Variants in GRIK2 observed in about 807,000 individuals in gnomAD.
The protein encoded by GRIK2 is glutamate ionotropic receptor kainate type subunit 2.
In GRIK2, 32 loss-of-function variants were observed where a neutral mutation model predicts 100.3. That is an observed-to-expected ratio of 0.32 (90% CI 0.24 to 0.43). The LOEUF is 0.43. Ranked by LOEUF, GRIK2 falls within the 20% of genes least tolerant of loss-of-function variation. GRIK2 has a pLI of 1.00. For missense variants in GRIK2, 843 were observed against 1,114.9 expected (o/e 0.76, Z 3.47); for synonymous variants, 417 against 389.4 (o/e 1.07, Z -0.83).
chr6:101,879,534 C>G (rs1786098326), intron 11 of GRIK2, among the ~76,000 whole-genome samples: 2 of 151,952 alleles, frequency 1.3e-5, no homozygotes, highest in African/African-American at 4.8e-5. Flanking sequence ...CTCTATGCTT[C>G]TTGGGTTCTT....
intron 15 of GRIK2, among the ~76,000 whole-genome samples, chr6:102,045,911 C>T (rs1770862920): frequency 1.3e-5 from 2 of 152,030 alleles, no homozygotes; most frequent in African/African-American, 4.8e-5. Context: ...CATACAGTGG[C>T]TGCATGTATT....
intron 12 of GRIK2, among the ~76,000 whole-genome samples, chr6:101,902,686 C>T (rs1026006700): frequency 6.6e-6 from 1 of 151,778 alleles, no homozygotes; most frequent in African/African-American, 2.4e-5. Flanking sequence ...AAAAATTTAA[C>T]TATTTACATG....
chr6:101,676,317 T>C (rs1376755094), intron 4 of GRIK2, among the ~76,000 whole-genome samples: 1 of 152,148 alleles, frequency 6.6e-6, no homozygotes, highest in Non-Finnish European at 1.5e-5. Context: ...TTTTATAACT[T>C]GAAAAATGTC....
intron 4 of GRIK2, among the ~76,000 whole-genome samples, chr6:101,633,476 G>A (rs1780863846): frequency 6.6e-6 from 1 of 152,084 alleles, no homozygotes; most frequent in South Asian, 2.1e-4. Flanking sequence ...CAGGATTGTT[G>A]TTGTGTAAAG....
Position 101,572,882 on chromosome 6 carries a change from A to G in GRIK2, c.116-49067A>G, listed in dbSNP as rs1047796383. Among the ~76,000 whole-genome samples, 2 of 149,326 alleles carry G rather than the reference A, an allele frequency of 1.3e-5. 1 individual carries two copies. The highest frequency in any genetic ancestry group is 4.0e-4 in the East Asian group (2 of 5,018). On this transcript the variant is annotated intron_variant, in intron 2 of 16. Transcript: ENST00000369134. Reference sequence around the variant, plus strand: ...TTCTGAGACAGAGTCTGTCTCCGTCATCCAGGCCCAGGCTGCACTGCAGTG... The same window carrying G: ...TTCTGAGACAGAGTCTGTCTCCGTCGTCCAGGCCCAGGCTGCACTGCAGTG...
chr6:102,015,402 G>C (rs1795781037), intron 14 of GRIK2, among the ~76,000 whole-genome samples: 1 of 152,084 alleles, frequency 6.6e-6, no homozygotes, highest in African/African-American at 2.4e-5. Flanking sequence ...TTGCCACTCT[G>C]TGCCTTTTAA....
intron 2 of GRIK2, among the ~76,000 whole-genome samples, chr6:101,414,192 G>A (rs2128238687): frequency 6.6e-6 from 1 of 152,268 alleles, no homozygotes; most frequent in African/African-American, 2.4e-5. Context: ...TTCTAAACCT[G>A]TTGTTTGCAT....
intron 2 of GRIK2, among the ~76,000 whole-genome samples, chr6:101,557,506 TC>T (rs1434357879): frequency 6.6e-6 from 1 of 152,200 alleles, no homozygotes; most frequent in African/African-American, 2.4e-5. Flanking sequence ...CACAGAACTT[TC>T]AAATACTTGT....
rs1198991972 is a variant in GRIK2, at chr6:102,068,996, C to T, written c.*485C>T. On this transcript the variant is annotated 3_prime_UTR_variant, in exon 17 of 17. Transcript: ENST00000369134. ...AGGTGATGATGTTACTAGCCCCCAACTACTCAGTATAATTATTGTCTGAAT... is the reference window on the plus strand; with the variant it reads ...AGGTGATGATGTTACTAGCCCCCAATTACTCAGTATAATTATTGTCTGAAT... 6.5e-6 allele frequency: 1 copy of T among 152,940 alleles called. No homozygotes were observed. The allele number at this position is 152,940 out of a possible 1,614,324, so 9.5% of individuals were successfully genotyped here.
At chr6:101,562,595 G>A (rs957505823) in intron 2 of GRIK2, among the ~76,000 whole-genome samples, 3 of 151,802 alleles carry the variant, frequency 2.0e-5, no homozygotes, top group East Asian at 1.9e-4. Flanking sequence ...CGCCTGCCTC[G>A]GCCTCCCAAA....
At chr6:101,843,569 A>G (rs1297218530) in intron 10 of GRIK2, among the ~76,000 whole-genome samples, 1 of 152,184 alleles carries the variant, frequency 6.6e-6, no homozygotes, top group African/African-American at 2.4e-5. Flanking sequence ...TTTCAAAAGG[A>G]CACTAGCAGA....
At chr6:101,909,635 A>C (rs1788518985) in intron 12 of GRIK2, among the ~76,000 whole-genome samples, 1 of 149,712 alleles carries the variant, frequency 6.7e-6, no homozygotes, top group Admixed American at 6.7e-5. Context: ...ATAAAAAATG[A>C]AGAAGAAAAA....
chr6:101,538,541 G>A (rs114708805), intron 2 of GRIK2, among the ~76,000 whole-genome samples: 32 of 151,380 alleles, frequency 2.1e-4, no homozygotes, highest in African/African-American at 6.8e-4. Flanking sequence ...GACAGCCTGA[G>A]CTCATAATTA....
At chr6:101,639,072 G>T (rs572516984) in intron 4 of GRIK2, among the ~76,000 whole-genome samples, 1 of 151,898 alleles carries the variant, frequency 6.6e-6, no homozygotes, top group Non-Finnish European at 1.5e-5. Flanking sequence ...AGGGAGTCTC[G>T]CTCTGTCGCC....
chr6:102,023,185 G>A (rs1261575831), intron 14 of GRIK2, among the ~76,000 whole-genome samples: 4 of 151,434 alleles, frequency 2.6e-5, no homozygotes, highest in Non-Finnish European at 3.0e-5. Context: ...TAGAAAATAA[G>A]GGAATGAAAT....
chr6:101,778,879 C>T (rs1778906697), intron 7 of GRIK2, among the ~76,000 whole-genome samples: 2 of 152,072 alleles, frequency 1.3e-5, no homozygotes, highest in South Asian at 4.1e-4. Flanking sequence ...ATAACATATG[C>T]ATTAAACCTG....
At chr6:101,723,010 C>T (rs1213704661) in intron 7 of GRIK2, among the ~76,000 whole-genome samples, 1 of 151,946 alleles carries the variant, frequency 6.6e-6, no homozygotes, top group African/African-American at 2.4e-5. Flanking sequence ...ATTCTGATAC[C>T]AGACATCTTA....
At chr6:101,981,726 G>T (rs1793724335) in intron 14 of GRIK2, among the ~76,000 whole-genome samples, 2 of 151,732 alleles carry the variant, frequency 1.3e-5, no homozygotes, top group African/African-American at 4.8e-5. Flanking sequence ...TTGCATGAGA[G>T]AAAAGTTTTT....
intron 3 of GRIK2, among the ~76,000 whole-genome samples, chr6:101,626,079 A>G (rs940464971): frequency 2.6e-5 from 4 of 152,138 alleles, no homozygotes; most frequent in Admixed American, 1.3e-4. Context: ...TTCCAAAACA[A>G]GCACTGCCCC....
Sources: gnomAD v4.1 joint callset for allele counts (sites outside exome capture counted in the v4.1 genomes callset) on GRCh38, gnomAD v4.1.1 for gene constraint, MANE v1.5 for transcripts, NCBI Gene and HGNC (gene_info 2026-07-23, HGNC 2026-07-21) for gene names.